Variants in SMIM14 observed in about 807,000 individuals in gnomAD.
The protein encoded by SMIM14 is chromosome 4 open reading frame 34.
In SMIM14, 5 loss-of-function variants were observed where a neutral mutation model predicts 12.6. The observed-to-expected ratio is 0.40, with a 90% CI of 0.21 to 0.83. The LOEUF (loss-of-function observed/expected upper bound fraction) is 0.83, where lower values mean the gene tolerates loss of function less well. Ranked by LOEUF, SMIM14 falls within the 40% of genes least tolerant of loss-of-function variation. The pLI is 0.37. For missense variants in SMIM14, 86 were observed against 119.1 expected (o/e 0.72, Z 1.29); for synonymous variants, 30 against 40.1 (o/e 0.75, Z 0.95).
chr4:39,559,199 T>C (rs1046045103), intron 3 of SMIM14, among the ~76,000 whole-genome samples: 1 of 151,988 alleles, frequency 6.6e-6, no homozygotes, highest in Non-Finnish European at 1.5e-5. Context: ...GAAACCAATA[T>C]ATGAAGGTGC....
chr4:39,580,122 A>G (rs1244049637), intron 2 of SMIM14, among the ~76,000 whole-genome samples: 1 of 152,174 alleles, frequency 6.6e-6, no homozygotes, highest in Admixed American at 6.6e-5. Context: ...AGAGCTGCCA[A>G]TGAACTGACA....
intron 1 of SMIM14, among the ~76,000 whole-genome samples, chr4:39,606,797 G>A (rs73240627): frequency 0.071 from 10,806 of 152,190 alleles, 622 homozygotes; most frequent in East Asian, 0.23. Context: ...CCAGACCAGA[G>A]CCCAGTGGTA....
intron 3 of SMIM14, among the ~76,000 whole-genome samples, chr4:39,557,160 C>T (rs957845291): frequency 6.6e-6 from 1 of 151,674 alleles, no homozygotes; most frequent in Non-Finnish European, 1.5e-5. Context: ...TACAGGCATG[C>T]GCCACCATGC....
intron 1 of SMIM14, among the ~76,000 whole-genome samples, chr4:39,622,986 C>G (rs1475250381): frequency 2.0e-5 from 3 of 152,046 alleles, no homozygotes; most frequent in Admixed American, 1.3e-4. Context: ...CAGATTAAAA[C>G]AAAATTAAGA....
chr4:39,594,659 C>CA (rs1199879150), intron 2 of SMIM14: 1 of 147,650 alleles, frequency 6.8e-6, no homozygotes, highest in Non-Finnish European at 1.5e-5. Flanking sequence ...ACTCATCTGA[C>CA]AAAGGGCTAA....
At position 39,571,356 on chromosome 4, in the gene SMIM14, T is replaced by A. The variant is rs537968596; in HGVS notation, c.124+1059A>T. On this transcript the variant is annotated intron_variant, in intron 3 of 4. Transcript: ENST00000295958. ...ACTTTGAGAGGCCGAGGCAGAAGGA[T>A]CACTTGATCCCAGGAGTTTAAGACC... Among the ~76,000 whole-genome samples the A allele has an allele frequency of 2.6e-5, 4 of 151,684 alleles. No individual in the cohort carries two copies. The South Asian group carries it at 6.3e-4, about 24-fold the overall frequency.
chr4:39,609,122 G>A (rs146418128), intron 1 of SMIM14, among the ~76,000 whole-genome samples: 2 of 151,910 alleles, frequency 1.3e-5, no homozygotes, highest in East Asian at 1.9e-4. Flanking sequence ...GACTACAGGC[G>A]CGTGCCACCA....
intron 2 of SMIM14, among the ~76,000 whole-genome samples, chr4:39,604,042 G>A (rs182972736): frequency 1.6e-4 from 24 of 151,298 alleles, no homozygotes; most frequent in African/African-American, 5.8e-4. Context: ...GCTTTACATA[G>A]AGATTCGTAT....
At chr4:39,634,186 CA>C (rs1578374612) in intron 1 of SMIM14, among the ~76,000 whole-genome samples, 1 of 152,208 alleles carries the variant, frequency 6.6e-6, no homozygotes, top group African/African-American at 2.4e-5. Flanking sequence ...CTCGGCTTCC[CA>C]AAGTGCTGGG....
chr4:39,609,276 G>A (rs753074368), intron 1 of SMIM14, among the ~76,000 whole-genome samples: 5 of 152,072 alleles, frequency 3.3e-5, no homozygotes, highest in Non-Finnish European at 7.4e-5. Flanking sequence ...CACCGTGCCC[G>A]GCCTGTATTG....
At chr4:39,596,744 C>T (rs1714383340) in intron 2 of SMIM14, among the ~76,000 whole-genome samples, 1 of 152,174 alleles carries the variant, frequency 6.6e-6, no homozygotes, top group Non-Finnish European at 1.5e-5. Flanking sequence ...ACTAGCACTT[C>T]TCTGATACTT....
At chr4:39,616,498 A>C (rs979929256) in intron 1 of SMIM14, among the ~76,000 whole-genome samples, 1 of 152,066 alleles carries the variant, frequency 6.6e-6, no homozygotes, top group Non-Finnish European at 1.5e-5. Flanking sequence ...AACAGACATA[A>C]ACTGAAAGCA....
chr4:39,600,585 G>T (rs1316711475), intron 2 of SMIM14, among the ~76,000 whole-genome samples: 1 of 152,186 alleles, frequency 6.6e-6, no homozygotes, highest in Non-Finnish European at 1.5e-5. Context: ...AGCTACTCAG[G>T]AGGCTGAGGC....
intron 2 of SMIM14, among the ~76,000 whole-genome samples, chr4:39,603,009 T>C (rs1005053502): frequency 2.0e-5 from 3 of 152,160 alleles, no homozygotes; most frequent in African/African-American, 7.2e-5. Flanking sequence ...AAACCCAAAA[T>C]GCTTCAAAAT....
At chr4:39,628,242 C>A (rs544488303) in intron 1 of SMIM14, among the ~76,000 whole-genome samples, 1 of 148,896 alleles carries the variant, frequency 6.7e-6, no homozygotes, top group Non-Finnish European at 1.5e-5. Flanking sequence ...GGGAGGCAGA[C>A]GTTGCAGTGA....
At chr4:39,554,887 G>T (rs1397068430) in intron 4 of SMIM14, among the ~76,000 whole-genome samples, 4 of 143,656 alleles carry the variant, frequency 2.8e-5, no homozygotes, top group African/African-American at 1.0e-4. Context: ...CTAGCCTGGA[G>T]TGCAATGGCA....
At chr4:39,583,974 T>G (rs1216823550) in intron 2 of SMIM14, 1 of 152,082 alleles carries the variant, frequency 6.6e-6, no homozygotes, top group African/African-American at 2.4e-5. Flanking sequence ...AGAACACAAG[T>G]ATGCACACTG....
chr4:39,583,051 CA>C (rs1426598605), intron 2 of SMIM14, among the ~76,000 whole-genome samples: 10 of 152,198 alleles, frequency 6.6e-5, no homozygotes, highest in African/African-American at 2.2e-4. Flanking sequence ...CTCAGCCTCC[CA>C]AAGTACTGGG....
At chr4:39,634,372 G>C (rs1716017141) in intron 1 of SMIM14, among the ~76,000 whole-genome samples, 1 of 152,054 alleles carries the variant, frequency 6.6e-6, no homozygotes, top group East Asian at 1.9e-4. Flanking sequence ...TTAAAGTACT[G>C]AACACAATTC....
Sources: gnomAD v4.1 joint callset for allele counts (sites outside exome capture counted in the v4.1 genomes callset) on GRCh38, gnomAD v4.1.1 for gene constraint, MANE v1.5 for transcripts, NCBI Gene and HGNC (gene_info 2026-07-23, HGNC 2026-07-21) for gene names.